TDRD9: variants seen among roughly 807,000 people sequenced by gnomAD.
TDRD9 encodes the protein ATP-dependent RNA helicase TDRD9.
In TDRD9, 124 loss-of-function variants were observed where a neutral mutation model predicts 172.6. The ratio of observed to expected loss-of-function variants is 0.72; its 90% confidence interval spans 0.62 to 0.83. The LOEUF (loss-of-function observed/expected upper bound fraction) is 0.83, where lower values mean the gene tolerates loss of function less well. TDRD9 is among the 40% of genes least tolerant of loss of function. TDRD9 has a pLI of 0.00. For missense variants in TDRD9, 1,479 were observed against 1,714.1 expected, an observed-to-expected ratio of 0.86 and a Z score of 2.42; for synonymous variants, 619 against 617.1, an observed-to-expected ratio of 1.00 and a Z score of -0.05.
At chr14:103,984,937 T>C (rs1332549785) in intron 7 of TDRD9, among the ~76,000 whole-genome samples, 1 of 152,200 alleles carries the variant, frequency 6.6e-6, no homozygotes, top group Non-Finnish European at 1.5e-5. Flanking sequence ...ATGTGAGACA[T>C]AGAGTCAAAG....
chr14:103,937,494 G>A (rs574224832), intron 1 of TDRD9, among the ~76,000 whole-genome samples: 16 of 152,174 alleles, frequency 1.1e-4, no homozygotes, highest in African/African-American at 3.4e-4. Context: ...AGTCTCTCTA[G>A]TCTTTTAAAC....
chr14:103,991,365 C>T (rs371609700), intron 9 of TDRD9, 141 bp downstream of exon 9: 2 of 879,070 alleles, frequency 2.3e-6, no homozygotes, highest in African/African-American at 3.5e-5. Context: ...ACAAATGTAA[C>T]TTTCAGTTTG....
intron 5 of TDRD9, among the ~76,000 whole-genome samples, chr14:103,968,296 C>T (rs562789658): frequency 6.6e-6 from 1 of 152,356 alleles, no homozygotes; most frequent in African/African-American, 2.4e-5. Flanking sequence ...GTGTCAGCAC[C>T]TTGTAGATGC....
intron 13 of TDRD9, among the ~76,000 whole-genome samples, chr14:103,999,631 T>A (rs2034182910): frequency 6.8e-6 from 1 of 147,446 alleles, no homozygotes. Flanking sequence ...TTTTTTTTTG[T>A]TTGTTTTTTA....
Position 104,018,091 on chromosome 14 carries a change from G to A in TDRD9, c.2332-1G>A, listed in dbSNP as rs1595991779. The A allele has an allele frequency of 6.4e-7, 1 of 1,568,188 alleles. No individual in the cohort carries two copies. Among genetic ancestry groups the A allele is most frequent in the East Asian group, 2.2e-5 (1 of 44,562 alleles). ...CTCTGATTTTGTGTTATATTTTACA[G>A]TTGAAACACATTCCTCCCTATGGAT... On this transcript the variant is annotated splice_acceptor_variant, in intron 22 of 35. Coordinates refer to ENST00000409874, the MANE Select transcript of TDRD9 (RefSeq NM_153046.3). LOFTEE classifies it high-confidence loss of function.
intron 7 of TDRD9, among the ~76,000 whole-genome samples, chr14:103,979,202 G>A (rs575589928): frequency 4.6e-5 from 7 of 152,110 alleles, no homozygotes; most frequent in Non-Finnish European, 8.8e-5. Flanking sequence ...CATCCATGTT[G>A]TTGCAAATGA....
intron 1 of TDRD9, among the ~76,000 whole-genome samples, chr14:103,933,563 A>C (rs1433406336): frequency 6.6e-6 from 1 of 151,948 alleles, no homozygotes; most frequent in East Asian, 1.9e-4. Context: ...TTTTACTATT[A>C]TTATTTTAAA....
chr14:103,991,394 T>G (rs2152197401), intron 9 of TDRD9, among the ~76,000 whole-genome samples, 170 bp downstream of exon 9: 1 of 152,230 alleles, frequency 6.6e-6, no homozygotes, highest in African/African-American at 2.4e-5. Flanking sequence ...TTGTAACCCT[T>G]GCATTTCTTT....
At chr14:103,962,967 T>TGA in intron 2 of TDRD9, 112 bp from the exon 3 acceptor site, 6 of 504,088 alleles carry the variant, frequency 1.2e-5, no homozygotes, top group Non-Finnish European at 1.7e-5. Context: ...TGTATTTGAG[T>TGA]GTGTGTGTGT....
chr14:103,998,862 G>C lies in TDRD9; in HGVS notation c.1483+134G>C. ...GGCTGGAAGGCAGTGGCGCGATCTCGGTTCACTGCAAGCTCCGCTTCCCGG... is the reference window on the plus strand; with the variant it reads ...GGCTGGAAGGCAGTGGCGCGATCTCCGTTCACTGCAAGCTCCGCTTCCCGG... On this transcript the variant is annotated intron_variant, in intron 13 of 35. Coordinates refer to ENST00000409874, the MANE Select transcript of TDRD9 (RefSeq NM_153046.3). The C allele has an allele frequency of 7.4e-6, 4 of 540,942 alleles. No individual in the cohort carries two copies. The Admixed American group carries it at 1.4e-4, about 18-fold the overall frequency. 33.5% of individuals were successfully genotyped at this position (540,942 alleles called of 1,614,324 possible). A position where few individuals can be genotyped will look rare whatever the true frequency, so the allele number is the denominator to read the frequency against.
At chr14:104,019,304 G>A (rs950053956) in intron 23 of TDRD9, among the ~76,000 whole-genome samples, 1 of 152,056 alleles carries the variant, frequency 6.6e-6, no homozygotes, top group Non-Finnish European at 1.5e-5. Context: ...TTTACAACTG[G>A]ATTGGGTTCT....
chr14:104,007,321 G>C, intron 19 of TDRD9, 117 bp downstream of exon 19: 2 of 958,812 alleles, frequency 2.1e-6, no homozygotes, highest in African/African-American at 3.3e-5. Context: ...CTGGAGTCGA[G>C]GTCACTGTCA....
chr14:104,033,987 C>G lies in TDRD9; in HGVS notation c.3537C>G (p.Ile1179Met), dbSNP rs1329791751. The G allele has an allele frequency of 6.4e-6, 10 of 1,551,142 alleles. No homozygotes were observed. Among genetic ancestry groups the G allele is most frequent in the Non-Finnish European group, 8.7e-6 (10 of 1,146,258 alleles). ...GTGTTTGGATTGAGAAGGAGAGCAT[C>G]AACTCTGTCATTATCAGTGACGCCC... ...FRCVWIEKESINSVIISDAPE... is the reference protein window; with the variant it reads ...FRCVWIEKESMNSVIISDAPE... The change falls in exon 31 of 36, where the codon ATC (isoleucine) becomes ATG (methionine). Residue 1179 changes from isoleucine to methionine, a missense_variant. By Grantham distance (10) the Ile-to-Met change is conservative. This residue lies in a region of TDRD9 where 1,413 missense variants were observed against 1,649.1 expected (regional missense o/e 0.86). Coordinates refer to ENST00000409874, the MANE Select transcript of TDRD9 (RefSeq NM_153046.3).
At chr14:104,019,085 A>C (rs2034876259) in intron 23 of TDRD9, among the ~76,000 whole-genome samples, 2 of 152,222 alleles carry the variant, frequency 1.3e-5, no homozygotes, top group Non-Finnish European at 2.9e-5. Flanking sequence ...CTTTTCTTAA[A>C]TATTCTGATG....
At chr14:104,033,731 A>C (rs1261743880) in intron 30 of TDRD9, among the ~76,000 whole-genome samples, 1 of 152,114 alleles carries the variant, frequency 6.6e-6, no homozygotes, top group South Asian at 2.1e-4. Flanking sequence ...GGGATCATGC[A>C]CGAGGGAGTG....
chr14:104,041,227 A>G (rs1383969510), intron 33 of TDRD9, among the ~76,000 whole-genome samples: 1 of 152,208 alleles, frequency 6.6e-6, no homozygotes, highest in East Asian at 1.9e-4. Flanking sequence ...TGGGCTTGAA[A>G]ATACTCCTTA....
Position 103,966,764 on chromosome 14 carries a change from G to C in TDRD9, c.698G>C (p.Gly233Ala). 2 of 1,551,000 alleles carry C rather than the reference G, an allele frequency of 1.3e-6. No homozygotes were observed. Among genetic ancestry groups the C allele is most frequent in the Non-Finnish European group, 1.7e-6 (2 of 1,146,714 alleles). ...EDTRLIYMTT[G>A]VLLQKIVSAK... ...ACCAGGCTAATTTATATGACAACTGGAGTCCTGCTTCAGAAAATAGTTAGT... is the reference window on the plus strand; with the variant it reads ...ACCAGGCTAATTTATATGACAACTGCAGTCCTGCTTCAGAAAATAGTTAGT... Residue 233 changes from glycine to alanine, a missense_variant, in exon 5 of 36, where the codon GGA (glycine) becomes GCA (alanine). Gly to Ala is a moderately conservative substitution (Grantham distance 60, BLOSUM62 0). This residue lies in a region of TDRD9 where 1,413 missense variants were observed against 1,649.1 expected (regional missense o/e 0.86). Coordinates refer to ENST00000409874, the MANE Select transcript of TDRD9 (RefSeq NM_153046.3).
At chr14:103,989,001 G>A (rs144305575) in intron 8 of TDRD9, among the ~76,000 whole-genome samples, 22 of 151,888 alleles carry the variant, frequency 1.4e-4, no homozygotes, top group South Asian at 6.3e-4. Context: ...CTCTGGGGTC[G>A]GCTGTTTTCA....
At chr14:104,004,107 A>G (rs1383486953) in intron 13 of TDRD9, 131 bp from the exon 14 acceptor site, 5 of 471,084 alleles carry the variant, frequency 1.1e-5, no homozygotes, top group Non-Finnish European at 2.0e-5. Flanking sequence ...TAAAGTTTTT[A>G]CTGACATAGT....
Sources: allele counts gnomAD v4.1 joint callset (sites outside exome capture counted in the v4.1 genomes callset), GRCh38; gene constraint gnomAD v4.1.1; regional missense constraint gnomAD v4.1.1; transcripts MANE v1.5; gene names NCBI Gene and HGNC (gene_info 2026-07-23, HGNC 2026-07-21).